C1orf162: variants seen among roughly 807,000 people sequenced by gnomAD.
C1orf162 encodes transmembrane protein C1orf162.
C1orf162 carries 10 observed loss-of-function variants against 11.4 expected under a neutral mutation model. The observed-to-expected ratio is 0.88, with a 90% CI of 0.54 to 1.48. The LOEUF (loss-of-function observed/expected upper bound fraction) is 1.48. Among genes scored for constraint, C1orf162 ranks in the 40% most tolerant of loss-of-function variants. C1orf162 has a pLI of 0.00. For synonymous variants in C1orf162, 53 were observed against 55.0 expected, an observed-to-expected ratio of 0.96 and a Z score of 0.16; for missense variants, 140 against 149.5, an observed-to-expected ratio of 0.94 and a Z score of 0.33.
chr1:111,476,043 C>T lies in C1orf162; in HGVS notation c.15C>T (p.Gly5=), dbSNP rs1653977581. Residue 5 remains glycine (G), a synonymous_variant, in exon 2 of 6, where the codon GGC becomes GGT. Coordinates refer to ENST00000369718, the MANE Select transcript of C1orf162 (RefSeq NM_001300834.2). ...GGGATGACAGCATGGGAGGCAATGG[C>T]TCCACATGTAAACCCGACACTGGTG... MGGN[G]STCKPDTERQ... 6.2e-7 allele frequency: 1 copy of T among 1,613,178 alleles called. No individual in the cohort carries two copies. The highest frequency in any genetic ancestry group is 1.1e-5 in the South Asian group (1 of 91,066).
Position 111,477,371 on chromosome 1 carries a change from C to A in C1orf162, c.145C>A (p.Leu49Ile). 1 of 1,614,110 alleles carries A rather than the reference C, an allele frequency of 6.2e-7. No homozygotes were observed. The highest frequency in any genetic ancestry group is 1.1e-5 in the South Asian group (1 of 91,082). ...AATCCTTGCCTTTTGTGCTGGGGTT[C>A]TACTGACACTGCTGCTGATAGCCTT... ...HLILAFCAGV[L>I]LTLLLIAFIF... The change falls in exon 4 of 6, where the codon CTA becomes ATA. Residue 49 changes from leucine (L) to isoleucine (I), a missense_variant. Leu to Ile is a conservative substitution (Grantham distance 5, BLOSUM62 2). Transcript: ENST00000369718.
At chr1:111,475,929 C>G (rs920833979) in intron 1 of C1orf162, 89 bp from the exon 2 acceptor site, 6 of 1,021,614 alleles carry the variant, frequency 5.9e-6, no homozygotes, top group Non-Finnish European at 9.2e-6. Context: ...ATTGTTACTA[C>G]TCTTATATGA....
At chr1:111,475,169 C>G (rs1245217461) in intron 1 of C1orf162, 2 of 126,318 alleles carry the variant, frequency 1.6e-5, no homozygotes, top group Non-Finnish European at 3.3e-5. Context: ...AAAGACCTAT[C>G]ACCACTAAAA....
intron 4 of C1orf162, 126 bp from the exon 5 acceptor site, chr1:111,477,599 TG>T (rs1654037371): frequency 1.3e-6 from 1 of 794,512 alleles, no homozygotes. Flanking sequence ...TCTTCCGCCC[TG>T]CCCCCCACCC....
intron 1 of C1orf162, 126 bp downstream of exon 1, chr1:111,474,156 G>A (rs1326710961): frequency 6.6e-6 from 1 of 152,198 alleles, no homozygotes; most frequent in African/African-American, 2.4e-5. Context: ...GTATTTGAAT[G>A]GTTCTATTAA....
At chr1:111,477,609 C>A (rs779088748) in intron 4 of C1orf162, 117 bp from the exon 5 acceptor site, 1 of 1,579,538 alleles carries the variant, frequency 6.3e-7, no homozygotes, top group Non-Finnish European at 8.7e-7. Context: ...TGCCCCCCAC[C>A]CACCTGCCAA....
intron 4 of C1orf162, 77 bp downstream of exon 4, chr1:111,477,505 G>C (rs555121207): frequency 6.7e-7 from 1 of 1,501,746 alleles, no homozygotes; most frequent in East Asian, 2.3e-5. Flanking sequence ...GTGAGTAATG[G>C]GAGGAGGTAG....
rs1383537399 is a variant in C1orf162 at position 111,478,133 on chromosome 1, T to G, written c.*10T>G. The G allele has an allele frequency of 2.5e-6, 4 of 1,613,930 alleles. No homozygotes were observed. In the South Asian group the frequency reaches 4.4e-5, roughly 18 times the overall value. On this transcript the variant is annotated 3_prime_UTR_variant, in exon 6 of 6. Transcript: ENST00000369718. ...TAAAGTAACAAACTAACTCAGCTTT[T>G]CCAATGAGGCTTGAATCCATTTCCT...
At chr1:111,477,021 G>A in intron 3 of C1orf162, 154 bp downstream of exon 3, 1 of 834,908 alleles carries the variant, frequency 1.2e-6, no homozygotes, top group Non-Finnish European at 1.9e-6. Flanking sequence ...CAGGAGTATG[G>A]CTCTTAATTT....
At chr1:111,477,595 G>C in intron 4 of C1orf162, 131 bp from the exon 5 acceptor site, 1 of 1,419,590 alleles carries the variant, frequency 7.0e-7, no homozygotes, top group East Asian at 2.3e-5. Context: ...TTTTTCTTCC[G>C]CCCTGCCCCC....
chr1:111,476,796 A>G lies in C1orf162; in HGVS notation c.38-2A>G. 1 of 1,613,842 alleles carries G rather than the reference A, an allele frequency of 6.2e-7. No homozygotes were observed. Among genetic ancestry groups the G allele is most frequent in the Non-Finnish European group, 8.5e-7 (1 of 1,179,746 alleles). On this transcript the variant is annotated splice_acceptor_variant, in intron 2 of 5. Transcript: ENST00000369718. LOFTEE classifies it high-confidence loss of function. ...ACTAATTCCTTTTGTGTTTTCTTGT[A>G]GAAAGACAAGGCACTCTCTCCACAG...
At chr1:111,474,448 G>A (rs2101769182) in intron 1 of C1orf162, 1 of 152,304 alleles carries the variant, frequency 6.6e-6, no homozygotes, top group African/African-American at 2.4e-5. Context: ...AACTGCTACT[G>A]TGAATTTCAG....
chr1:111,478,159 C>T lies in C1orf162; in HGVS notation c.*36C>T, dbSNP rs767857898. On this transcript the variant is annotated 3_prime_UTR_variant, in exon 6 of 6. Transcript: ENST00000369718. ...CCAATGAGGCTTGAATCCATTTCCT[C>T]TCATCTCAGCCCTATCTTCACACAT... 3 of 1,611,902 alleles carry T rather than the reference C, an allele frequency of 1.9e-6. No homozygotes were observed. The African/African-American group carries it at 4.0e-5, about 22-fold the overall frequency.
chr1:111,478,070 C>A lies in C1orf162; in HGVS notation c.340C>A (p.His114Asn), dbSNP rs755251332. The A allele has an allele frequency of 6.2e-6, 10 of 1,614,036 alleles. No individual in the cohort carries two copies. In the African/African-American group the frequency reaches 1.2e-4, roughly 19 times the overall value. The change falls in exon 6 of 6, where the codon CAT (histidine) becomes AAT (asparagine). Residue 114 changes from histidine to asparagine, a missense_variant. Coordinates refer to ENST00000369718, the MANE Select transcript of C1orf162 (RefSeq NM_001300834.2). ...EEKSNHLAEN[H>N]SADFDPIVYA... ...AAAGAGCAATCACTTGGCTGAGAAC[C>A]ATTCTGCAGACTTTGACCCCATTGT... is the stretch of plus-strand genomic sequence containing the variant.
intron 1 of C1orf162, among the ~76,000 whole-genome samples, chr1:111,474,238 G>T (rs1285975934): frequency 2.0e-5 from 3 of 152,138 alleles, no homozygotes; most frequent in African/African-American, 4.8e-5. Context: ...ATATAGCACC[G>T]CTTCTATTTT....
At chr1:111,475,167 A>G (rs1285773523) in intron 1 of C1orf162, 1 of 129,656 alleles carries the variant, frequency 7.7e-6, no homozygotes, top group Non-Finnish European at 1.6e-5. Flanking sequence ...GGAAAGACCT[A>G]TCACCACTAA....
chr1:111,477,764 C>G lies in C1orf162; in HGVS notation c.241C>G (p.Pro81Ala). 1 of 1,614,138 alleles carries G rather than the reference C, an allele frequency of 6.2e-7. No individual in the cohort carries two copies. Among genetic ancestry groups the G allele is most frequent in the African/African-American group, 1.3e-5 (1 of 75,016 alleles). ...KPQAPDPHSD[P>A]PAKLSSIPGE... ...CCAGGCCCCAGATCCTCACTCAGAT[C>G]CTCCAGCCAAGGTAAGATGACCACA... The change falls in exon 5 of 6, where the codon CCT (proline) becomes GCT (alanine). Residue 81 changes from proline (P) to alanine (A), a missense_variant. Transcript: ENST00000369718.
At chr1:111,477,871 T>A in intron 5 of C1orf162, 96 bp downstream of exon 5, 1 of 1,596,504 alleles carries the variant, frequency 6.3e-7, no homozygotes. Context: ...GTGGTATTGA[T>A]TTCCAGACAC....
chr1:111,477,536 A>AACCTGCTTAGCCCACCCTGTCTGC lies in C1orf162; in HGVS notation c.202+110_202+133dup, dbSNP rs1432581646. On this transcript the variant is annotated intron_variant, in intron 4 of 5. Coordinates refer to ENST00000369718, the MANE Select transcript of C1orf162 (RefSeq NM_001300834.2). ...GGTAGGGGAGGGTGCAGTGTGATAA[A>AACCTGCTTAGCCCACCCTGTCTGC]ACCTGCTTAGCCCACCCTGTCTGCA... 3 of 1,487,340 alleles carry AACCTGCTTAGCCCACCCTGTCTGC rather than the reference A, an allele frequency of 2.0e-6. No homozygotes were observed. In the African/African-American group the frequency reaches 4.2e-5, roughly 21 times the overall value. The allele number at this position is 1,487,340 out of a possible 1,614,324, so 92.1% of individuals were successfully genotyped here. A position where few individuals can be genotyped will look rare whatever the true frequency, so the allele number is the denominator to read the frequency against.
Sources: gnomAD v4.1 joint callset for allele counts (sites outside exome capture counted in the v4.1 genomes callset) on GRCh38, gnomAD v4.1.1 for gene constraint, MANE v1.5 for transcripts, NCBI Gene and HGNC (gene_info 2026-07-23, HGNC 2026-07-21) for gene names.